Variants in CCL25 observed in about 807,000 individuals in gnomAD.
The protein encoded by CCL25 is C-C motif chemokine ligand 25, also known as C-C motif chemokine 25.
CCL25 carries 14 observed loss-of-function variants against 19.9 expected under a neutral mutation model. The ratio of observed to expected loss-of-function variants is 0.70; its 90% CI spans 0.47 to 1.10. The LOEUF (loss-of-function observed/expected upper bound fraction) is 1.10, where lower values mean the gene tolerates loss of function less well. CCL25 is among the 50% of genes least tolerant of loss of function. The pLI is 0.00. For synonymous variants in CCL25, 68 were observed against 73.2 expected, an observed-to-expected ratio of 0.93 and a Z score of 0.36; for missense variants, 151 against 181.2, an observed-to-expected ratio of 0.83 and a Z score of 0.96.
intron 4 of CCL25, 139 bp from the exon 5 acceptor site, chr19:8,057,662 A>T: frequency 7.5e-7 from 1 of 1,332,082 alleles, no homozygotes; most frequent in Non-Finnish European, 9.9e-7. Flanking sequence ...GACACTTTCC[A>T]CTGGTACAGA....
intron 2 of CCL25, among the ~76,000 whole-genome samples, chr19:8,054,658 ACCT>A (rs1278275785): frequency 2.0e-5 from 3 of 149,070 alleles, no homozygotes; most frequent in African/African-American, 7.4e-5. Flanking sequence ...TTCTGGCATC[ACCT>A]CCTCCTCCTC....
rs1469660679 is a variant in CCL25, at chr19:8,057,921, G to A, written c.445+1G>A. 1 of 1,611,190 alleles carries A rather than the reference G, an allele frequency of 6.2e-7. No individual in the cohort carries two copies. Among genetic ancestry groups the A allele is most frequent in the South Asian group, 1.1e-5 (1 of 90,962 alleles). ...TCCCTCCTGATATCAGCTAATTCAG[G>A]TAAGGACTCTTGGTCATGTGACTGT... is the stretch of plus-strand genomic sequence containing the variant. On this transcript the variant is annotated splice_donor_variant, in intron 5 of 5. Transcript: ENST00000315626. LOFTEE classifies it high-confidence loss of function.
rs1377995735 is a variant in CCL25 at position 8,052,989 on chromosome 19, C to T, written c.-50-11C>T. On this transcript the variant is annotated splice_polypyrimidine_tract_variant and intron_variant, in intron 1 of 5. Coordinates refer to ENST00000315626, the MANE Select transcript of CCL25 (RefSeq NM_005624.4). ...TTCCTCAGTCCTTACCACTTCCCTC[C>T]ACGACCCCAGGTGGCCCCGTTATTC... 1 of 1,257,486 alleles carries T rather than the reference C, an allele frequency of 8.0e-7. No homozygotes were observed. The highest frequency in any genetic ancestry group is 1.4e-5 in the South Asian group (1 of 73,678). 77.9% of individuals were successfully genotyped at this position (1,257,486 alleles called of 1,614,324 possible). A position where few individuals can be genotyped will look rare whatever the true frequency, so the allele number is the denominator to read the frequency against.
intron 5 of CCL25, among the ~76,000 whole-genome samples, chr19:8,058,904 C>T (rs1158614747): frequency 7.2e-6 from 1 of 139,816 alleles, no homozygotes; most frequent in Admixed American, 8.4e-5. Context: ...GTGACCCACC[C>T]GCCTTGGCCT....
chr19:8,053,555 T>TC (rs2081247901), intron 2 of CCL25, among the ~76,000 whole-genome samples: 1 of 149,834 alleles, frequency 6.7e-6, no homozygotes, highest in South Asian at 2.1e-4. Context: ...CCATTTTTTT[T>TC]TTTTTTTTTT....
chr19:8,052,812 A>G lies in CCL25; in HGVS notation c.-61A>G, dbSNP rs1434375069. 1 of 484,086 alleles carries G rather than the reference A, an allele frequency of 2.1e-6. No homozygotes were observed. Among genetic ancestry groups the G allele is most frequent in the African/African-American group, 2.0e-5 (1 of 51,280 alleles). 30.0% of individuals were successfully genotyped at this position (484,086 alleles called of 1,614,324 possible). A position where few individuals can be genotyped will look rare whatever the true frequency, so the allele number is the denominator to read the frequency against. ...CGGCGGGCATCAGCTCCCTTGACCC[A>G]GTGGATATCGGTGAGTCTTTTCCTT... On this transcript the variant is annotated 5_prime_UTR_variant, in exon 1 of 6. Coordinates refer to ENST00000315626, the MANE Select transcript of CCL25 (RefSeq NM_005624.4).
At chr19:8,059,493 C>G (rs567239211) in intron 5 of CCL25, among the ~76,000 whole-genome samples, 2 of 152,054 alleles carry the variant, frequency 1.3e-5, no homozygotes, top group East Asian at 3.9e-4. Context: ...GCCACTGTGT[C>G]CAGCTGACAT....
chr19:8,058,818 T>C (rs1001979261), intron 5 of CCL25, among the ~76,000 whole-genome samples: 8 of 139,876 alleles, frequency 5.7e-5, no homozygotes, highest in Non-Finnish European at 1.2e-4. Context: ...GCCACCACGC[T>C]GGGCTAATTT....
intron 2 of CCL25, among the ~76,000 whole-genome samples, chr19:8,055,094 T>A (rs973959339): frequency 1.3e-5 from 2 of 150,410 alleles, no homozygotes; most frequent in Non-Finnish European, 3.0e-5. Flanking sequence ...ATCAAGACCA[T>A]CCTGGCCAAC....
rs201343630 is a variant in CCL25 at position 8,056,136 on chromosome 19, G to A, written c.74-16G>A. The A allele has an allele frequency of 9.7e-5, 145 of 1,501,312 alleles. 1 individual carries two copies. Among genetic ancestry groups the A allele is most frequent in the Middle Eastern group, 7.2e-4 (4 of 5,556 alleles). 93.0% of individuals were successfully genotyped at this position (1,501,312 alleles called of 1,614,324 possible). On this transcript the variant is annotated splice_polypyrimidine_tract_variant and intron_variant, in intron 2 of 5. Transcript: ENST00000315626. ...CATGCAAGGGTGCGAGTATCTGGGC[G>A]GCTGTGTGGTTGCAGGTGTCTTTGA... is the stretch of plus-strand genomic sequence containing the variant.
Position 8,059,086 on chromosome 19 carries a change from T to TATATAATATATATA in CCL25, c.445+1171_445+1172insATATATATAATATA, listed in dbSNP as rs1568335932. 3.3e-4 allele frequency among the ~76,000 whole-genome samples: 6 copies of TATATAATATATATA among 18,426 alleles called. No homozygotes were observed. The South Asian group carries it at 0.015, about 45-fold the overall frequency. The allele number at this position is 18,426 out of a possible 152,430, so 12.1% of individuals were successfully genotyped here. A position where few individuals can be genotyped will look rare whatever the true frequency, so the allele number is the denominator to read the frequency against. ...TATATATAATATATAATATATATAA[T>TATATAATATATATA]ATATATAATGTATATATTTATATAT... On this transcript the variant is annotated intron_variant, in intron 5 of 5. Transcript: ENST00000315626.
intron 3 of CCL25, 33 bp downstream of exon 3, chr19:8,056,302 G>GGGGGGGGGGGGGGGGCCCCCCC: frequency 3.4e-6 from 2 of 593,368 alleles, no homozygotes; most frequent in Non-Finnish European, 6.4e-6. Context: ...GGGGGGTGGG[G>GGGGGGGGGGGGGGGGCCCCCCC]TGCACACACA....
intron 5 of CCL25, among the ~76,000 whole-genome samples, chr19:8,059,698 T>G (rs781540294): frequency 3.9e-5 from 6 of 152,160 alleles, no homozygotes; most frequent in Non-Finnish European, 8.8e-5. Flanking sequence ...GCTCTACTTG[T>G]GTTTACCATT....
At chr19:8,055,022 GGCTCAC>G (rs1392950509) in intron 2 of CCL25, among the ~76,000 whole-genome samples, 1 of 150,984 alleles carries the variant, frequency 6.6e-6, no homozygotes, top group East Asian at 2.0e-4. Context: ...CAGGCACAGT[GGCTCAC>G]GCCTGTAATC....
intron 2 of CCL25, among the ~76,000 whole-genome samples, chr19:8,055,794 G>A (rs1288161750): frequency 6.6e-6 from 1 of 152,110 alleles, no homozygotes; most frequent in African/African-American, 2.4e-5. Flanking sequence ...TTTTTAGGAG[G>A]GAAGAACTTG....
At chr19:8,058,583 T>C (rs1180268331) in intron 5 of CCL25, among the ~76,000 whole-genome samples, 1 of 127,742 alleles carries the variant, frequency 7.8e-6, no homozygotes, top group Non-Finnish European at 1.6e-5. Context: ...AATATATAAA[T>C]ATATAATATA....
At chr19:8,062,067 AAG>A in intron 5 of CCL25, 149 bp from the exon 6 acceptor site, 1 of 665,452 alleles carries the variant, frequency 1.5e-6, no homozygotes, top group South Asian at 2.1e-5. Flanking sequence ...AAAAAAAAAA[AAG>A]TTAGCATAAA....
At chr19:8,055,421 T>C (rs529167369) in intron 2 of CCL25, among the ~76,000 whole-genome samples, 1,900 of 148,998 alleles carry the variant, frequency 0.013, 42 homozygotes, top group African/African-American at 0.04. Flanking sequence ...CTGCAAGCTC[T>C]GCCTCCCGGG....
chr19:8,053,040 C>T lies in CCL25; in HGVS notation c.-10C>T, dbSNP rs1283270527. On this transcript the variant is annotated 5_prime_UTR_variant, in exon 2 of 6. Transcript: ENST00000315626. ...GTCCAGGTGCCCAGGGAGGAGGACCCGCCTGCAGCATGAACCTGTGGCTCC... is the reference window on the plus strand; with the variant it reads ...GTCCAGGTGCCCAGGGAGGAGGACCTGCCTGCAGCATGAACCTGTGGCTCC... 1.2e-5 allele frequency: 18 copies of T among 1,548,228 alleles called. No individual in the cohort carries two copies. Among genetic ancestry groups the T allele is most frequent in the South Asian group, 3.6e-5 (3 of 83,708 alleles).
Sources: gnomAD v4.1 joint callset for allele counts (sites outside exome capture counted in the v4.1 genomes callset) on GRCh38, gnomAD v4.1.1 for gene constraint, MANE v1.5 for transcripts, NCBI Gene and HGNC (gene_info 2026-07-23, HGNC 2026-07-21) for gene names.